The following NAALADL2 variants were observed in gnomAD, a reference collection of about 807,000 sequenced individuals.
NAALADL2 encodes the protein N-acetylated alpha-linked acidic dipeptidase like 2.
Under a neutral mutation model 87.2 loss-of-function variants are expected in NAALADL2, and 76 were observed. The observed-to-expected ratio is 0.87, with a 90% CI of 0.72 to 1.05. The LOEUF is 1.05. Ranked by LOEUF, NAALADL2 falls within the 50% of genes least tolerant of loss-of-function variation. NAALADL2 has a pLI of 0.00. For synonymous variants in NAALADL2, 354 were observed against 331.0 expected (o/e 1.07, Z -0.75); for missense variants, 1,089 against 945.8 (o/e 1.15, Z -1.99).
chr3:175,584,395 G>A (rs961611141), intron 10 of NAALADL2, among the ~76,000 whole-genome samples: 1 of 146,244 alleles, frequency 6.8e-6, no homozygotes, highest in Non-Finnish European at 1.5e-5. Context: ...TAAGAAAACT[G>A]GCCAAGGTCA....
chr3:175,382,813 TG>T (rs1383295243), intron 5 of NAALADL2, among the ~76,000 whole-genome samples: 1 of 151,734 alleles, frequency 6.6e-6, no homozygotes, highest in African/African-American at 2.4e-5. Context: ...TCTCCTTACC[TG>T]GGGGGAACTC....
chr3:175,380,024 G>A (rs1767606109), intron 5 of NAALADL2, among the ~76,000 whole-genome samples: 1 of 151,992 alleles, frequency 6.6e-6, no homozygotes, highest in South Asian at 2.1e-4. Context: ...ACAGGAAGGG[G>A]AACATCACAC....
rs142455732 is a variant in NAALADL2 at position 174,758,506 on chromosome 3, T to A, written c.-9+20760T>A. 8.9e-3 allele frequency among the ~76,000 whole-genome samples: 1,362 copies of A among 152,270 alleles called. 7 individuals are homozygous for A. Among genetic ancestry groups the A allele is most frequent in the Middle Eastern group, 0.024 (7 of 294 alleles). On this transcript the variant is annotated intron_variant, in intron 3 of 3. Transcript: ENST00000434257. ...CAAGGGTAAATGTTGATAGAGTAGG[T>A]TAAGTACATGCAGAAGTGTTTGAGG...
chr3:174,788,362 A>G (rs1717054920), intron 3 of NAALADL2, among the ~76,000 whole-genome samples: 1 of 152,202 alleles, frequency 6.6e-6, no homozygotes, highest in South Asian at 2.1e-4. Context: ...TGCTAGGTCT[A>G]CTAGAATAAA....
intron 2 of NAALADL2, among the ~76,000 whole-genome samples, chr3:175,213,081 C>T (rs930093206): frequency 8.5e-5 from 13 of 152,118 alleles, no homozygotes; most frequent in Non-Finnish European, 1.2e-4. Context: ...ACGCAATTTA[C>T]AAACATTAAT....
intron 2 of NAALADL2, among the ~76,000 whole-genome samples, chr3:174,679,462 T>C (rs1307763043): frequency 6.6e-6 from 1 of 152,218 alleles, no homozygotes; most frequent in Non-Finnish European, 1.5e-5. Context: ...ACATATTTTA[T>C]ATTCCATGTC....
intron 4 of NAALADL2, among the ~76,000 whole-genome samples, chr3:175,300,472 A>G (rs1387054393): frequency 5.3e-5 from 8 of 152,012 alleles, no homozygotes; most frequent in Non-Finnish European, 4.4e-5. Flanking sequence ...AGAACTTGTT[A>G]TTGGTCTATT....
intron 5 of NAALADL2, among the ~76,000 whole-genome samples, chr3:175,431,425 C>A (rs182412571): frequency 2.6e-5 from 4 of 151,912 alleles, no homozygotes; most frequent in African/African-American, 9.7e-5. Context: ...TTGTCACTGG[C>A]GTAATGTGAC....
chr3:175,148,090 T>TAAC (rs1731019669), intron 2 of NAALADL2, among the ~76,000 whole-genome samples: 1 of 108,018 alleles, frequency 9.3e-6, no homozygotes, highest in Non-Finnish European at 1.9e-5. Context: ...ATAATGATAA[T>TAAC]GATAATAATA....
intron 10 of NAALADL2, among the ~76,000 whole-genome samples, 169 bp from the exon 11 acceptor site, chr3:175,627,122 T>G (rs1727093857): frequency 6.6e-6 from 1 of 151,874 alleles, no homozygotes; most frequent in South Asian, 2.1e-4. Context: ...TCATTTTAAT[T>G]TATACATATT....
chr3:174,648,912 A>G (rs1196222816), intron 2 of NAALADL2, among the ~76,000 whole-genome samples: 1 of 152,114 alleles, frequency 6.6e-6, no homozygotes, highest in African/African-American at 2.4e-5. Context: ...ATATCATTTG[A>G]TGAGTTGCAC....
intron 5 of NAALADL2, among the ~76,000 whole-genome samples, chr3:175,442,038 T>G (rs1304507189): frequency 6.6e-6 from 1 of 152,138 alleles, no homozygotes; most frequent in African/African-American, 2.4e-5. Context: ...GCCTCCCAGA[T>G]TCAAGCGATT....
chr3:175,039,382 G>A (rs1440211643), intron 1 of NAALADL2, among the ~76,000 whole-genome samples: 2 of 152,082 alleles, frequency 1.3e-5, no homozygotes, highest in African/African-American at 4.8e-5. Flanking sequence ...TGGCCAGGCT[G>A]GTCTCGAACT....
At chr3:174,929,362 A>C (rs899319893) in intron 1 of NAALADL2, among the ~76,000 whole-genome samples, 1 of 152,176 alleles carries the variant, frequency 6.6e-6, no homozygotes, top group Non-Finnish European at 1.5e-5. Flanking sequence ...AATAATGATG[A>C]ATGACACAGC....
intron 1 of NAALADL2, among the ~76,000 whole-genome samples, chr3:174,510,713 T>C (rs1719545367): frequency 7.0e-6 from 1 of 142,838 alleles, no homozygotes; most frequent in Non-Finnish European, 1.5e-5. Context: ...TGCTTTCACC[T>C]TTATTATTTT....
At chr3:175,466,466 A>G (rs73169403) in intron 7 of NAALADL2, among the ~76,000 whole-genome samples, 21,868 of 152,010 alleles carry the variant, frequency 0.14, 2,591 homozygotes, top group African/African-American at 0.33. Flanking sequence ...GGTGAATTTT[A>G]TTTTTTTTCT....
chr3:174,677,172 CCTTG>C (rs1441047902), intron 2 of NAALADL2, among the ~76,000 whole-genome samples: 8 of 151,894 alleles, frequency 5.3e-5, no homozygotes, highest in African/African-American at 1.7e-4. Flanking sequence ...TTTATAATTT[CCTTG>C]CTTTTAACCA....
chr3:174,599,328 T>C (rs1718222438), intron 2 of NAALADL2, among the ~76,000 whole-genome samples: 1 of 152,164 alleles, frequency 6.6e-6, no homozygotes, highest in Non-Finnish European at 1.5e-5. Flanking sequence ...AATGGCTATT[T>C]ACTCTAAATA....
In NAALADL2 at chr3:175,458,899, T is replaced by A. The variant is rs142253488; in HGVS notation, c.1235-4502T>A. Among the ~76,000 whole-genome samples, 619 of 152,270 alleles carry A rather than the reference T, an allele frequency of 4.1e-3. 3 individuals are homozygous for A. The highest frequency in any genetic ancestry group is 6.8e-3 in the Admixed American group (104 of 15,282). ...CACTATATGCTATTCAGCTCTTAAA[T>A]GCAGATGGCCTTCTCACTTTGCTTC... is the stretch of plus-strand genomic sequence containing the variant. On this transcript the variant is annotated intron_variant, in intron 6 of 13. Coordinates refer to ENST00000454872, the MANE Select transcript of NAALADL2 (RefSeq NM_207015.3).
Sources: gnomAD v4.1 joint callset for allele counts (sites outside exome capture counted in the v4.1 genomes callset) on GRCh38, gnomAD v4.1.1 for gene constraint, MANE v1.5 for transcripts, NCBI Gene and HGNC (gene_info 2026-07-23, HGNC 2026-07-21) for gene names.